The following TGM3 variants were observed in gnomAD, a reference collection of about 807,000 sequenced individuals.
The protein encoded by TGM3 is protein-glutamine gamma-glutamyltransferase E.
A neutral mutation model predicts 73.8 loss-of-function variants in TGM3; 52 were observed. The ratio of observed to expected loss-of-function variants is 0.70; its 90% CI spans 0.56 to 0.89. TGM3 has a LOEUF of 0.89. Among genes scored for constraint, TGM3 ranks in the 40% least tolerant of loss-of-function variants. The pLI, the probability that TGM3 is intolerant of heterozygous loss-of-function variation, is 0.00. For synonymous variants in TGM3, 372 were observed against 354.9 expected, an observed-to-expected ratio of 1.05 and a Z score of -0.54; for missense variants, 928 against 909.9, an observed-to-expected ratio of 1.02 and a Z score of -0.26.
At chr20:2,335,061 G>A (rs1380910120) in intron 10 of TGM3, 55 bp from the exon 11 acceptor site, 8 of 1,604,724 alleles carry the variant, frequency 5.0e-6, no homozygotes, top group South Asian at 1.1e-5. Flanking sequence ...TCTGAGGAAG[G>A]TTCAGAAGCC....
At chr20:2,333,970 C>T (rs2084334172) in intron 10 of TGM3, among the ~76,000 whole-genome samples, 1 of 152,206 alleles carries the variant, frequency 6.6e-6, no homozygotes, top group Non-Finnish European at 1.5e-5. Flanking sequence ...GTGCTAAAAG[C>T]AGAGGCAGCT....
In TGM3 at chr20:2,326,822, C is replaced by G. The variant is rs140013998; in HGVS notation, c.1087+870C>G. Among the ~76,000 whole-genome samples, 124 of 151,450 alleles carry G rather than the reference C, an allele frequency of 8.2e-4. 2 individuals carry two copies. The East Asian group carries it at 0.022, about 27-fold the overall frequency. On this transcript the variant is annotated intron_variant, in intron 8 of 12. Coordinates refer to ENST00000381458, the MANE Select transcript of TGM3 (RefSeq NM_003245.4). ...CGAGATCATGCCGTGGCACTCCGGC[C>G]TGGGAGACAGAGCAAGACTCCGTCT... is the stretch of plus-strand genomic sequence containing the variant.
intron 1 of TGM3, among the ~76,000 whole-genome samples, chr20:2,304,534 A>G (rs1464741661): frequency 6.6e-6 from 1 of 152,114 alleles, no homozygotes; most frequent in Non-Finnish European, 1.5e-5. Context: ...CTCACCACTT[A>G]GGGCACCTTC....
intron 12 of TGM3, among the ~76,000 whole-genome samples, 191 bp from the exon 13 acceptor site, chr20:2,340,243 C>A (rs146408106): frequency 8.5e-5 from 13 of 152,310 alleles, no homozygotes; most frequent in East Asian, 3.9e-4. Flanking sequence ...GGGACCCCCC[C>A]CTCCTGCTTC....
intron 1 of TGM3, among the ~76,000 whole-genome samples, chr20:2,306,632 A>G (rs998540171): frequency 4.0e-5 from 6 of 151,896 alleles, no homozygotes; most frequent in African/African-American, 1.5e-4. Flanking sequence ...GTGCGCCACC[A>G]TGCCAGGCTA....
At position 2,317,239 on chromosome 20, in the gene TGM3, A is replaced by C; in HGVS notation, c.841A>C (p.Asn281His). ...GTGCTGGGTCTTTGCTGGGACCCTC[A>C]ACACAGGTACCTTGGGTGTGGTGTG... Reference protein sequence around the residue: ...GQCWVFAGTLNTALRSLGIPS... With the variant: ...GQCWVFAGTLHTALRSLGIPS... The change falls in exon 6 of 13, where the codon AAC becomes CAC. Residue 281 changes from asparagine to histidine, a missense_variant. Transcript: ENST00000381458. 2 of 1,614,096 alleles carry C rather than the reference A, an allele frequency of 1.2e-6. No individual in the cohort carries two copies. The highest frequency in any genetic ancestry group is 1.7e-6 in the Non-Finnish European group (2 of 1,179,990).
At chr20:2,315,157 G>A (rs1369939461) in intron 5 of TGM3, among the ~76,000 whole-genome samples, 2 of 152,188 alleles carry the variant, frequency 1.3e-5, no homozygotes, top group Non-Finnish European at 2.9e-5. Context: ...GAGTGGGTGA[G>A]GCCAGCGGCT....
chr20:2,340,242 C>A (rs45565932), intron 12 of TGM3, among the ~76,000 whole-genome samples, 192 bp from the exon 13 acceptor site: 5 of 152,160 alleles, frequency 3.3e-5, no homozygotes, highest in Admixed American at 6.5e-5. Context: ...TGGGACCCCC[C>A]CCTCCTGCTT....
At position 2,317,158 on chromosome 20, in the gene TGM3, G is replaced by A. The variant is rs775797747; in HGVS notation, c.760G>A (p.Val254Met). ...GRDPRSWNGS[V>M]EILKNWKKSG... ...GGACCCAAGGAGCTGGAACGGCAGC[G>A]TGGAGATCCTCAAAAATTGGAAAAA... Residue 254 changes from valine (V) to methionine (M), a missense_variant, in exon 6 of 13, where the codon GTG becomes ATG. Coordinates refer to ENST00000381458, the MANE Select transcript of TGM3 (RefSeq NM_003245.4). 64 of 1,613,956 alleles carry A rather than the reference G, an allele frequency of 4.0e-5. No individual in the cohort carries two copies. Among genetic ancestry groups the A allele is most frequent in the South Asian group, 2.6e-4 (24 of 91,076 alleles).
chr20:2,311,977 G>A (rs2084205887), intron 4 of TGM3, among the ~76,000 whole-genome samples: 1 of 152,166 alleles, frequency 6.6e-6, no homozygotes, highest in Non-Finnish European at 1.5e-5. Context: ...GAGGAGCTCG[G>A]CCTTCTCAGT....
chr20:2,336,033 T>C (rs543541913), intron 11 of TGM3, among the ~76,000 whole-genome samples: 13 of 152,340 alleles, frequency 8.5e-5, no homozygotes, highest in African/African-American at 2.9e-4. Context: ...AAGACCCCTC[T>C]TTCTCTGCTC....
At chr20:2,320,364 C>T (rs982422868) in intron 7 of TGM3, among the ~76,000 whole-genome samples, 6 of 152,178 alleles carry the variant, frequency 3.9e-5, no homozygotes, top group African/African-American at 1.2e-4. Flanking sequence ...TCACAAATGA[C>T]GTAGGCATTG....
chr20:2,332,086 G>A lies in TGM3; in HGVS notation c.1418G>A (p.Gly473Asp). 3 of 1,614,208 alleles carry A rather than the reference G, an allele frequency of 1.9e-6. No individual in the cohort carries two copies. Among genetic ancestry groups the A allele is most frequent in the Non-Finnish European group, 8.5e-7 (1 of 1,180,038 alleles). Residue 473 changes from glycine to aspartate, a missense_variant, in exon 10 of 13, where the codon GGT becomes GAT. Coordinates refer to ENST00000381458, the MANE Select transcript of TGM3 (RefSeq NM_003245.4). The surrounding 1 kb of genome is among the most constrained non-coding windows in gnomAD (Gnocchi z 4.4). ...NTPFAATSSM[G>D]LETEEQEPSI... ...CCATTTGCCGCGACGTCTTCAATGG[G>A]TTTGGAAACAGAGGAACAGGAGCCC...
intron 7 of TGM3, among the ~76,000 whole-genome samples, chr20:2,325,333 G>A (rs1252881293): frequency 1.3e-5 from 2 of 152,076 alleles, no homozygotes; most frequent in East Asian, 1.9e-4. Flanking sequence ...GGACTGGCAG[G>A]TGTCATTCTT....
In TGM3 at chr20:2,322,788, T is replaced by C. The variant is rs150460955; in HGVS notation, c.984-3061T>C. ...CAATAACACAGGACTCAACTTTCTGTGTTAACACTGTGTTAGCTATGATCA... is the reference window on the plus strand; with the variant it reads ...CAATAACACAGGACTCAACTTTCTGCGTTAACACTGTGTTAGCTATGATCA... On this transcript the variant is annotated intron_variant, in intron 7 of 12. Coordinates refer to ENST00000381458, the MANE Select transcript of TGM3 (RefSeq NM_003245.4). Among the ~76,000 whole-genome samples, 269 of 152,360 alleles carry C rather than the reference T, an allele frequency of 1.8e-3. 1 individual carries two copies. Among genetic ancestry groups the C allele is most frequent in the African/African-American group, 6.1e-3 (255 of 41,584 alleles).
At position 2,313,399 on chromosome 20, in the gene TGM3, C is replaced by A. The variant is rs148940753; in HGVS notation, c.669+373C>A. ...TCATTGGGCCTCCTGGGAAAGGAAG[C>A]GAGACCCTGATTGAGCTGGAGGTGG... On this transcript the variant is annotated intron_variant, in intron 5 of 12. Coordinates refer to ENST00000381458, the MANE Select transcript of TGM3 (RefSeq NM_003245.4). 1.4e-3 allele frequency among the ~76,000 whole-genome samples: 214 copies of A among 152,260 alleles called. 1 individual carries two copies. Among genetic ancestry groups the A allele is most frequent in the African/African-American group, 4.8e-3 (201 of 41,548 alleles).
chr20:2,336,018 G>A (rs1476359069), intron 11 of TGM3, among the ~76,000 whole-genome samples: 1 of 152,234 alleles, frequency 6.6e-6, no homozygotes, highest in Non-Finnish European at 1.5e-5. Context: ...AAGTGGCTGA[G>A]AACAAAGACC....
In TGM3 at chr20:2,313,621, A is replaced by G. The variant is rs117428164; in HGVS notation, c.669+595A>G. On this transcript the variant is annotated intron_variant, in intron 5 of 12. Transcript: ENST00000381458. The stretch of plus-strand genomic sequence containing the variant: ...AGGCCTGTGCCCCTACAACACACAC[A>G]AACACACACACACTCACACAATCAC... Among the ~76,000 whole-genome samples the G allele has an allele frequency of 1.6e-3, 235 of 149,600 alleles. 7 individuals carry two copies. In the East Asian group the frequency reaches 0.045, roughly 29 times the overall value.
At chr20:2,313,903 C>A (rs1039391177) in intron 5 of TGM3, among the ~76,000 whole-genome samples, 2 of 152,050 alleles carry the variant, frequency 1.3e-5, no homozygotes, top group Non-Finnish European at 2.9e-5. Flanking sequence ...TAGGCAGACA[C>A]GGTGGCTCAC....
Sources: allele counts gnomAD v4.1 joint callset (sites outside exome capture counted in the v4.1 genomes callset), GRCh38; gene constraint gnomAD v4.1.1; non-coding constraint Gnocchi (gnomAD v3.1); transcripts MANE v1.5; gene names NCBI Gene and HGNC (gene_info 2026-07-23, HGNC 2026-07-21).